The following USP43 variants were observed in gnomAD, a reference collection of about 807,000 sequenced individuals.
USP43 encodes the protein ubiquitin carboxyl-terminal hydrolase 43.
In USP43, 33 loss-of-function variants were observed where a neutral mutation model predicts 90.7. The ratio of observed to expected loss-of-function variants is 0.36; its 90% CI spans 0.28 to 0.49. USP43 has a LOEUF of 0.49. Among genes scored for constraint, USP43 ranks in the 20% least tolerant of loss-of-function variants. USP43 has a pLI of 0.98. For synonymous variants in USP43, 598 were observed against 615.8 expected, an observed-to-expected ratio of 0.97 and a Z score of 0.43; for missense variants, 1,274 against 1,476.4, an observed-to-expected ratio of 0.86 and a Z score of 2.25.
At position 9,728,199 on chromosome 17, in the gene USP43, G is replaced by A; in HGVS notation, c.2581G>A (p.Glu861Lys). 1 of 1,613,954 alleles carries A rather than the reference G, an allele frequency of 6.2e-7. No homozygotes were observed. Among genetic ancestry groups the A allele is most frequent in the Non-Finnish European group, 8.5e-7 (1 of 1,179,894 alleles). The change falls in exon 15 of 15, where the codon GAG becomes AAG. Residue 861 changes from glutamate to lysine, a missense_variant. Glu to Lys is a moderately conservative substitution (Grantham distance 56). Around this residue, in one of 6 missense-constraint regions of USP43, gnomAD observed 285 missense variants for 349.6 expected, o/e 0.82. Coordinates refer to ENST00000285199, the MANE Select transcript of USP43 (RefSeq NM_153210.5). The surrounding 1 kb of genome is among the most constrained non-coding windows in gnomAD (Gnocchi z 6.2). ...GTTGACGGGCACTGCGGGTGAGGAT[G>A]AGAAGTCAGCATCGCCGAGGTCCAA... ...SLLTGTAGED[E>K]KSASPRSNVA...
intron 3 of USP43, among the ~76,000 whole-genome samples, chr17:9,672,255 C>T (rs543307450): frequency 2.0e-5 from 3 of 152,306 alleles, no homozygotes; most frequent in Admixed American, 6.5e-5. Context: ...CTCGGCCTCC[C>T]GAAATGCTGG....
intron 8 of USP43, among the ~76,000 whole-genome samples, chr17:9,688,597 C>A (rs187054810): frequency 6.6e-6 from 1 of 152,184 alleles, no homozygotes; most frequent in Non-Finnish European, 1.5e-5. Flanking sequence ...GATCCTCCCA[C>A]TTCAACCTCC....
chr17:9,712,347 GC>G (rs1189592370), intron 14 of USP43, among the ~76,000 whole-genome samples: 2 of 152,010 alleles, frequency 1.3e-5, no homozygotes, highest in Non-Finnish European at 2.9e-5. Context: ...CCTTTTCTCT[GC>G]CCCCGTGTAG....
rs200801557 is a variant in USP43 at position 9,676,916 on chromosome 17, A to G, written c.969+35A>G. 2.6e-4 allele frequency: 413 copies of G among 1,602,824 alleles called. 4 individuals carry two copies. The highest frequency in any genetic ancestry group is 4.3e-5 in the Non-Finnish European group (51 of 1,173,744). On this transcript the variant is annotated intron_variant, in intron 5 of 14. Transcript: ENST00000285199. ...AATTGCACTGGGGCCTGGTCATTGGATGATAGAATGCTAACTGAGCCAGCT... is the reference window on the plus strand; with the variant it reads ...AATTGCACTGGGGCCTGGTCATTGGGTGATAGAATGCTAACTGAGCCAGCT...
rs759323262 is a variant in USP43 at position 9,701,184 on chromosome 17, C to T, written c.1601C>T (p.Ala534Val). 1.9e-5 allele frequency: 30 copies of T among 1,559,364 alleles called. 1 individual carries two copies. Among genetic ancestry groups the T allele is most frequent in the Admixed American group, 3.7e-5 (2 of 53,682 alleles). The change falls in exon 11 of 15, where the codon GCG becomes GTG. Residue 534 changes from alanine to valine, a missense_variant. Ala to Val is a moderately conservative substitution (Grantham distance 64, BLOSUM62 0). This residue lies in a region of USP43 where 253 missense variants were observed against 276.0 expected (regional missense o/e 0.92). Transcript: ENST00000285199. This position sits in a 1 kb window ranked among gnomAD's most constrained non-coding sequence, Gnocchi z 7.2. ...DADSVWQQQQ[A>V]HQQHSCTLDE... is the part of the protein sequence containing the mutation. Reference sequence around the variant, plus strand: ...GACAGTGTGTGGCAGCAGCAGCAGGCGCATCAGCAGCACAGCTGTACCTTG... The same window carrying T: ...GACAGTGTGTGGCAGCAGCAGCAGGTGCATCAGCAGCACAGCTGTACCTTG...
chr17:9,715,422 C>A (rs775425899), intron 14 of USP43, among the ~76,000 whole-genome samples: 3 of 152,106 alleles, frequency 2.0e-5, no homozygotes, highest in African/African-American at 7.2e-5. Flanking sequence ...CACTGCACTC[C>A]GGCCTGGGTG....
intron 10 of USP43, among the ~76,000 whole-genome samples, 194 bp from the exon 11 acceptor site, chr17:9,700,925 G>C (rs866902269): frequency 6.6e-6 from 1 of 152,204 alleles, no homozygotes. Flanking sequence ...AGGAGCTGGT[G>C]GGGGAGAGAG....
At chr17:9,661,193 AAC>A (rs1034589570) in intron 2 of USP43, among the ~76,000 whole-genome samples, 46 of 152,166 alleles carry the variant, frequency 3.0e-4, no homozygotes, top group African/African-American at 1.0e-3. Flanking sequence ...TAGAAACCCT[AAC>A]ACAATCTTTT....
intron 12 of USP43, among the ~76,000 whole-genome samples, chr17:9,707,406 G>A (rs1442474162): frequency 6.6e-6 from 1 of 152,018 alleles, no homozygotes; most frequent in Admixed American, 6.6e-5. Flanking sequence ...CAGCACTTTG[G>A]GAGGCCGAGG....
At chr17:9,649,012 A>T (rs1037784328) in intron 1 of USP43, among the ~76,000 whole-genome samples, 2 of 149,690 alleles carry the variant, frequency 1.3e-5, no homozygotes, top group African/African-American at 2.5e-5. Context: ...TCTCTTTAAG[A>T]GAGAGTGTCA....
At chr17:9,645,440 G>C (rs1911292124), upstream of USP43, 1 of 377,570 alleles carries the variant, frequency 2.6e-6, no homozygotes. This position sits in a 1 kb window ranked among gnomAD's most constrained non-coding sequence, Gnocchi z 6.8. Context: ...TGCCCTGGAG[G>C]GGGCTGGTCG....
At chr17:9,716,090 CTG>C (rs928092778) in intron 14 of USP43, among the ~76,000 whole-genome samples, 6 of 141,818 alleles carry the variant, frequency 4.2e-5, no homozygotes, top group East Asian at 2.0e-4. Flanking sequence ...GCCTGTATGT[CTG>C]TGTGTGTGTG....
rs1300286152 is a variant in USP43 at position 9,646,041 on chromosome 17, GCTC to G, written c.411_413del (p.Pro138del). 8 of 1,498,848 alleles carry G rather than the reference GCTC, an allele frequency of 5.3e-6. No homozygotes were observed. The South Asian group carries it at 1.0e-4, about 19-fold the overall frequency. The allele number at this position is 1,498,848 out of a possible 1,614,324, so 92.8% of individuals were successfully genotyped here. ...CCTGGCGCTGGGGCGCTACCGGGCGGCTCCGGGCCGCGCCGAGGTCACCGAGCA... is the reference window on the plus strand; with the variant it reads ...CCTGGCGCTGGGGCGCTACCGGGCGGCGGGCCGCGCCGAGGTCACCGAGCA... On this transcript the variant is annotated inframe_deletion, in exon 1 of 15. Coordinates refer to ENST00000285199, the MANE Select transcript of USP43 (RefSeq NM_153210.5).
intron 9 of USP43, among the ~76,000 whole-genome samples, chr17:9,695,773 C>T (rs1395521748): frequency 6.6e-6 from 1 of 152,158 alleles, no homozygotes. Context: ...ACACAATATC[C>T]CTCCCCTTCC....
chr17:9,702,759 G>A (rs1448102836), intron 12 of USP43, among the ~76,000 whole-genome samples: 1 of 152,230 alleles, frequency 6.6e-6, no homozygotes, highest in Non-Finnish European at 1.5e-5. Flanking sequence ...CAGATAGTGT[G>A]GAGGGTCATC....
Position 9,680,384 on chromosome 17 carries a change from C to T in USP43, c.1105+18C>T. On this transcript the variant is annotated intron_variant, in intron 6 of 14. Transcript: ENST00000285199. ...TCTCTCAGGTATAACAGGTGCTTTG[C>T]ACAATTTTATTTGGCTATGATGAGT... is the stretch of plus-strand genomic sequence containing the variant. 6.2e-7 allele frequency: 1 copy of T among 1,612,834 alleles called. No homozygotes were observed. The highest frequency in any genetic ancestry group is 8.5e-7 in the Non-Finnish European group (1 of 1,179,276).
At chr17:9,651,638 C>T (rs899560372) in intron 1 of USP43, among the ~76,000 whole-genome samples, 12 of 152,016 alleles carry the variant, frequency 7.9e-5, no homozygotes, top group African/African-American at 2.9e-4. Context: ...TTTTGCGTAC[C>T]TGCTTTTCTA....
chr17:9,711,259 G>C (rs1436509086), intron 13 of USP43, among the ~76,000 whole-genome samples: 36 of 152,094 alleles, frequency 2.4e-4, no homozygotes, highest in Non-Finnish European at 8.8e-5. Flanking sequence ...CCTGGTACTG[G>C]TAATAAAATA....
intron 13 of USP43, among the ~76,000 whole-genome samples, chr17:9,711,341 T>C (rs1424027848): frequency 1.3e-5 from 2 of 152,108 alleles, no homozygotes; most frequent in Non-Finnish European, 2.9e-5. Flanking sequence ...ACAAAAAACA[T>C]ATTTAGAATG....
Sources: gnomAD v4.1 joint callset for allele counts (sites outside exome capture counted in the v4.1 genomes callset) on GRCh38, gnomAD v4.1.1 for gene constraint, gnomAD v4.1.1 regional missense constraint, Gnocchi (gnomAD v3.1) non-coding constraint, MANE v1.5 for transcripts, NCBI Gene and HGNC (gene_info 2026-07-23, HGNC 2026-07-21) for gene names.